TMEM123: variants seen among roughly 807,000 people sequenced by gnomAD.
TMEM123 encodes transmembrane protein 123, also known as porimin.
TMEM123 carries 16 observed loss-of-function variants against 19.7 expected under a neutral mutation model. The observed-to-expected ratio is 0.81, with a 90% confidence interval of 0.55 to 1.23. TMEM123 has a LOEUF of 1.23. Among genes scored for constraint, TMEM123 ranks in the 50% most tolerant of loss-of-function variants. The pLI is 0.00. For synonymous variants in TMEM123, 118 were observed against 99.4 expected (o/e 1.19, Z -1.12); for missense variants, 313 against 257.8 (o/e 1.21, Z -1.47).
At chr11:102,432,572 T>C (rs1042732805) in intron 2 of TMEM123, among the ~76,000 whole-genome samples, 1 of 152,170 alleles carries the variant, frequency 6.6e-6, no homozygotes, top group African/African-American at 2.4e-5. Flanking sequence ...AGCCTGATGA[T>C]GTGACAGAAA....
At chr11:102,400,742 G>A (rs868638795) in intron 4 of TMEM123, among the ~76,000 whole-genome samples, 2 of 152,296 alleles carry the variant, frequency 1.3e-5, no homozygotes, top group South Asian at 2.1e-4. Context: ...CCTTCTTTCT[G>A]CCATGTGAAG....
At chr11:102,404,571 C>A (rs11225243) in intron 2 of TMEM123, among the ~76,000 whole-genome samples, 11,750 of 151,544 alleles carry the variant, frequency 0.078, 526 homozygotes, top group African/African-American at 0.12. Flanking sequence ...GGTGTGAGCC[C>A]CTGCACCTGG....
chr11:102,399,741 G>A (rs529085147), intron 4 of TMEM123, among the ~76,000 whole-genome samples: 6 of 151,936 alleles, frequency 3.9e-5, no homozygotes, highest in Non-Finnish European at 7.4e-5. Flanking sequence ...AGGCCAAGGT[G>A]GGAGGATCAC....
At position 102,401,621 on chromosome 11, in the gene TMEM123, C is replaced by A; in HGVS notation, c.520G>T (p.Val174Leu). 1 of 1,608,644 alleles carries A rather than the reference C, an allele frequency of 6.2e-7. No homozygotes were observed. The highest frequency in any genetic ancestry group is 8.5e-7 in the Non-Finnish European group (1 of 1,178,742). The change falls in exon 4 of 5, where the codon GTA becomes TTA. Residue 174 changes from valine to leucine, a missense_variant. Coordinates refer to ENST00000398136, the MANE Select transcript of TMEM123 (RefSeq NM_052932.3). Reference protein sequence around the residue: ...FDTGSFVGGIVLTLGVLSILY... With the variant: ...FDTGSFVGGILLTLGVLSILY... ...ATAGATAAAACTCCCAGCGTTAATA[C>A]AATACCACCAACAAAGCTCCCAGTA...
At chr11:102,401,803 G>A (rs1437080509) in intron 3 of TMEM123, 111 bp from the exon 4 acceptor site, 2 of 1,493,300 alleles carry the variant, frequency 1.3e-6, no homozygotes, top group African/African-American at 2.8e-5. Flanking sequence ...GGAATTAAGG[G>A]AAATCTAGGC....
Position 102,440,388 on chromosome 11 carries a change from C to T in TMEM123, c.157+8424G>A, listed in dbSNP as rs778294590. On this transcript the variant is annotated intron_variant, in intron 2 of 4. Transcript: ENST00000398136. ...CCACAAGCCAGAAGAAAGTAGGGGG[C>T]CAATATTCAACATTCTTAAAGAAAA... Among the ~76,000 whole-genome samples, 15 of 152,184 alleles carry T rather than the reference C, an allele frequency of 9.9e-5. 1 individual carries two copies. In the South Asian group the frequency reaches 3.1e-3, roughly 32 times the overall value.
chr11:102,424,064 T>G (rs1375958742), intron 2 of TMEM123, among the ~76,000 whole-genome samples: 1 of 152,220 alleles, frequency 6.6e-6, no homozygotes, highest in African/African-American at 2.4e-5. Flanking sequence ...CCTAGTTGAC[T>G]GCTGATTAAA....
chr11:102,401,886 A>AG (rs747295938), intron 3 of TMEM123, 30 bp downstream of exon 3: 2 of 1,594,038 alleles, frequency 1.3e-6, no homozygotes, highest in South Asian at 1.1e-5. Flanking sequence ...CTTGCAGCAT[A>AG]GGAAAAAAAA....
At chr11:102,418,154 C>T (rs779902679) in intron 2 of TMEM123, among the ~76,000 whole-genome samples, 5 of 151,862 alleles carry the variant, frequency 3.3e-5, no homozygotes, top group Non-Finnish European at 7.4e-5. Flanking sequence ...GACAGAGACA[C>T]CAAAGGCAAC....
rs1591567876 is a variant in TMEM123, at chr11:102,444,151, G to A, written c.157+4661C>T. 2.0e-5 allele frequency among the ~76,000 whole-genome samples: 3 copies of A among 152,256 alleles called. No homozygotes were observed. The South Asian group carries it at 6.2e-4, about 32-fold the overall frequency. On this transcript the variant is annotated intron_variant, in intron 2 of 4. Coordinates refer to ENST00000398136, the MANE Select transcript of TMEM123 (RefSeq NM_052932.3). Reference sequence around the variant, plus strand: ...GAAGACAGTGTGGCGATTCCTCAAGGATCCAGAACTAGAAACACCATTTGA... The same window carrying A: ...GAAGACAGTGTGGCGATTCCTCAAGAATCCAGAACTAGAAACACCATTTGA...
At position 102,396,363 on chromosome 11, in the gene TMEM123, T is replaced by C. The variant is rs1951855151; in HGVS notation, c.*2504A>G. On this transcript the variant is annotated 3_prime_UTR_variant, in exon 5 of 5. Coordinates refer to ENST00000398136, the MANE Select transcript of TMEM123 (RefSeq NM_052932.3). Reference sequence around the variant, plus strand: ...AAGGAGAACAATTTTATTCTAAAAATAGAACTTGGTAACAATGAAATACCA... The same window carrying C: ...AAGGAGAACAATTTTATTCTAAAAACAGAACTTGGTAACAATGAAATACCA... 1 of 152,182 alleles carries C rather than the reference T, an allele frequency of 6.6e-6. No individual in the cohort carries two copies. The highest frequency in any genetic ancestry group is 1.5e-5 in the Non-Finnish European group (1 of 68,032). The allele number at this position is 152,182 out of a possible 1,614,324, so 9.4% of individuals were successfully genotyped here.
At chr11:102,452,459 G>A in intron 1 of TMEM123, 65 bp downstream of exon 1, 3 of 1,325,080 alleles carry the variant, frequency 2.3e-6, no homozygotes, top group Non-Finnish European at 3.0e-6. Flanking sequence ...CCCAACTTGG[G>A]AACCCAAGCC....
Position 102,452,629 on chromosome 11 carries a change from C to T in TMEM123, c.-6G>A, listed in dbSNP as rs1857956434. ...CCTCGCGCGCCGAGTCCCATTGTTCCGAGGGCAGGATGCGGCAGCCTCGTG... is the reference window on the plus strand; with the variant it reads ...CCTCGCGCGCCGAGTCCCATTGTTCTGAGGGCAGGATGCGGCAGCCTCGTG... On this transcript the variant is annotated 5_prime_UTR_variant, in exon 1 of 5. Coordinates refer to ENST00000398136, the MANE Select transcript of TMEM123 (RefSeq NM_052932.3). 2 of 1,528,796 alleles carry T rather than the reference C, an allele frequency of 1.3e-6. No homozygotes were observed. The highest frequency in any genetic ancestry group is 1.8e-6 in the Non-Finnish European group (2 of 1,138,504). The allele number at this position is 1,528,796 out of a possible 1,614,324, so 94.7% of individuals were successfully genotyped here. A position where few individuals can be genotyped will look rare whatever the true frequency, so the allele number is the denominator to read the frequency against.
At chr11:102,419,183 T>G (rs1435637733) in intron 2 of TMEM123, among the ~76,000 whole-genome samples, 2 of 152,200 alleles carry the variant, frequency 1.3e-5, no homozygotes, top group Non-Finnish European at 2.9e-5. Context: ...AAAAAGTGCA[T>G]GCATTCAAGT....
In TMEM123 at chr11:102,398,696, C is replaced by A; in HGVS notation, c.*171G>T. On this transcript the variant is annotated 3_prime_UTR_variant, in exon 5 of 5. Transcript: ENST00000398136. ...CCAGATGTTTATTTCAAAACCCAAA[C>A]CCTTGTTACCTTGAAGAATCTTTAC... 2 of 668,104 alleles carry A rather than the reference C, an allele frequency of 3.0e-6. No individual in the cohort carries two copies. Among genetic ancestry groups the A allele is most frequent in the South Asian group, 2.0e-5 (1 of 48,898 alleles). 41.4% of individuals were successfully genotyped at this position (668,104 alleles called of 1,614,324 possible).
chr11:102,421,190 T>C (rs1952083448), intron 2 of TMEM123, among the ~76,000 whole-genome samples: 1 of 152,240 alleles, frequency 6.6e-6, no homozygotes, highest in Non-Finnish European at 1.5e-5. Flanking sequence ...CCATGTTCTA[T>C]AAACCTGCAT....
intron 2 of TMEM123, among the ~76,000 whole-genome samples, chr11:102,425,210 T>C (rs1397600097): frequency 6.6e-6 from 1 of 152,186 alleles, no homozygotes; most frequent in Non-Finnish European, 1.5e-5. Flanking sequence ...TCTTTTTTCA[T>C]CTCTAAAATA....
intron 2 of TMEM123, among the ~76,000 whole-genome samples, chr11:102,416,481 C>A (rs1400640760): frequency 2.6e-5 from 4 of 151,962 alleles, no homozygotes; most frequent in African/African-American, 9.7e-5. Context: ...AAACCCTGAA[C>A]AGATCAATAA....
chr11:102,452,305 G>A, intron 1 of TMEM123: 1 of 399,506 alleles, frequency 2.5e-6, no homozygotes, highest in Middle Eastern at 6.3e-4. Context: ...AGCGAGAGGG[G>A]AAGCACCAGG....
Sources: gnomAD v4.1 joint callset for allele counts (sites outside exome capture counted in the v4.1 genomes callset) on GRCh38, gnomAD v4.1.1 for gene constraint, MANE v1.5 for transcripts, NCBI Gene and HGNC (gene_info 2026-07-23, HGNC 2026-07-21) for gene names.